Variants in AUTS2 observed in about 807,000 individuals in gnomAD.
AUTS2 encodes the protein autism susceptibility gene 2 protein.
A neutral mutation model predicts 112.4 loss-of-function variants in AUTS2; 17 were observed. The observed-to-expected ratio is 0.15, with a 90% CI of 0.10 to 0.23. AUTS2 has a LOEUF of 0.23. AUTS2 is among the 10% of genes least tolerant of loss of function. The pLI, the probability that AUTS2 is intolerant of heterozygous loss-of-function variation, is 1.00. For missense variants in AUTS2, 1,510 were observed against 1,701.6 expected (o/e 0.89, Z 1.98); for synonymous variants, 751 against 702.7 (o/e 1.07, Z -1.09).
chr7:70,402,213 A>G (rs1036273938), intron 4 of AUTS2, among the ~76,000 whole-genome samples: 6 of 152,260 alleles, frequency 3.9e-5, no homozygotes, highest in Non-Finnish European at 8.8e-5. Flanking sequence ...GCAACAGTAG[A>G]AAAGAAGGAC....
intron 1 of AUTS2, among the ~76,000 whole-genome samples, chr7:69,754,333 T>C (rs913477474): frequency 1.3e-5 from 2 of 152,068 alleles, no homozygotes; most frequent in Non-Finnish European, 2.9e-5. Context: ...GTTTGGGAGG[T>C]AGGAAGTAAA....
chr7:70,174,896 A>G (rs1371373281), intron 4 of AUTS2, among the ~76,000 whole-genome samples: 2 of 152,336 alleles, frequency 1.3e-5, no homozygotes, highest in Admixed American at 6.5e-5. Context: ...TGTTGTTTTC[A>G]TGCCTGGTGA....
At chr7:69,763,519 T>A (rs1455418452) in intron 1 of AUTS2, among the ~76,000 whole-genome samples, 1 of 152,228 alleles carries the variant, frequency 6.6e-6, no homozygotes, top group East Asian at 1.9e-4. Flanking sequence ...ACATCTTTCC[T>A]GACTACTCCC....
chr7:70,260,792 C>A (rs12698884), intron 4 of AUTS2, among the ~76,000 whole-genome samples: 11 of 151,360 alleles, frequency 7.3e-5, no homozygotes, highest in Admixed American at 2.6e-4. Flanking sequence ...CTCTGTCGCC[C>A]TGGCTAGAGT....
chr7:69,699,234 A>C (rs1159463491), intron 1 of AUTS2, among the ~76,000 whole-genome samples: 1 of 152,202 alleles, frequency 6.6e-6, no homozygotes, highest in Non-Finnish European at 1.5e-5. Flanking sequence ...ATATGATCCC[A>C]AAAGCAAAAT....
At chr7:70,457,168 C>A (rs1796774374) in intron 5 of AUTS2, among the ~76,000 whole-genome samples, 1 of 152,174 alleles carries the variant, frequency 6.6e-6, no homozygotes, top group South Asian at 2.1e-4. Flanking sequence ...TTCTTCCAGG[C>A]AGCTCAGTGT....
At chr7:70,382,508 A>G (rs889511438) in intron 4 of AUTS2, among the ~76,000 whole-genome samples, 1 of 152,176 alleles carries the variant, frequency 6.6e-6, no homozygotes, top group Non-Finnish European at 1.5e-5. Flanking sequence ...AGTAAAGACT[A>G]TTGAAAGCAT....
At chr7:70,044,433 C>G (rs1036756350) in intron 2 of AUTS2, among the ~76,000 whole-genome samples, 3 of 152,038 alleles carry the variant, frequency 2.0e-5, no homozygotes, top group African/African-American at 7.2e-5. Context: ...CACCCTCTGC[C>G]TTTTTTGGGA....
At chr7:70,387,869 C>T (rs573916030) in intron 4 of AUTS2, among the ~76,000 whole-genome samples, 24 of 152,296 alleles carry the variant, frequency 1.6e-4, no homozygotes, top group African/African-American at 4.6e-4. Context: ...TTCTACGTTA[C>T]GGCCAGATAG....
chr7:70,006,359 T>C (rs1799544292), intron 2 of AUTS2, among the ~76,000 whole-genome samples: 1 of 152,132 alleles, frequency 6.6e-6, no homozygotes. Flanking sequence ...GTTTTGTATG[T>C]TCCTCTAAAG....
At chr7:70,681,980 C>T (rs565090517) in intron 5 of AUTS2, among the ~76,000 whole-genome samples, 5 of 152,264 alleles carry the variant, frequency 3.3e-5, no homozygotes, top group Admixed American at 1.3e-4. Context: ...CTGTCCGTGG[C>T]TTTGGGGTTG....
chr7:70,142,171 G>A (rs1806901589), intron 4 of AUTS2, among the ~76,000 whole-genome samples: 1 of 152,126 alleles, frequency 6.6e-6, no homozygotes. Flanking sequence ...GAAAACTTAG[G>A]TGCTACTGAT....
intron 5 of AUTS2, among the ~76,000 whole-genome samples, chr7:70,460,001 T>G (rs1157715033): frequency 6.6e-6 from 1 of 152,134 alleles, no homozygotes; most frequent in African/African-American, 2.4e-5. Flanking sequence ...CAAGGCCCCA[T>G]GGACCAGGCC....
intron 5 of AUTS2, among the ~76,000 whole-genome samples, chr7:70,641,073 C>G (rs1805803316): frequency 6.6e-6 from 1 of 152,210 alleles, no homozygotes; most frequent in African/African-American, 2.4e-5. Flanking sequence ...CACTAGTCCA[C>G]CCGGCTCCAG....
intron 1 of AUTS2, among the ~76,000 whole-genome samples, chr7:69,653,699 G>C (rs1240222952): frequency 1.4e-5 from 2 of 140,720 alleles, no homozygotes; most frequent in Non-Finnish European, 3.1e-5. Flanking sequence ...TGCTTTTATT[G>C]ATTCACGATT....
intron 4 of AUTS2, among the ~76,000 whole-genome samples, chr7:70,208,083 C>T (rs978510941): frequency 1.8e-4 from 27 of 148,670 alleles, no homozygotes; most frequent in African/African-American, 5.7e-4. Context: ...TGTGTATTTT[C>T]ATATGTATTG....
chr7:70,495,620 G>A (rs200907472), intron 5 of AUTS2, among the ~76,000 whole-genome samples: 3,343 of 36,636 alleles, frequency 0.091, no homozygotes, highest in Middle Eastern at 0.17. Flanking sequence ...GTACACAGTC[G>A]CACACACACA....
intron 4 of AUTS2, among the ~76,000 whole-genome samples, chr7:70,279,196 T>A (rs1788086221): frequency 6.6e-6 from 1 of 152,238 alleles, no homozygotes; most frequent in Admixed American, 6.5e-5. Flanking sequence ...TTTTGCAGCT[T>A]ATTTGATGGG....
chr7:70,413,946 A>T (rs1794887814), intron 4 of AUTS2, among the ~76,000 whole-genome samples: 1 of 152,114 alleles, frequency 6.6e-6, no homozygotes, highest in Admixed American at 6.5e-5. Context: ...AAGCGCTGGG[A>T]TTACAGGCAT....
Sources: gnomAD v4.1 joint callset for allele counts (sites outside exome capture counted in the v4.1 genomes callset) on GRCh38, gnomAD v4.1.1 for gene constraint, MANE v1.5 for transcripts, NCBI Gene and HGNC (gene_info 2026-07-23, HGNC 2026-07-21) for gene names.